The following FAM83G variants were observed in gnomAD, a reference collection of about 807,000 sequenced individuals.
FAM83G encodes scaffolding CK1 anchoring protein G.
FAM83G carries 38 observed loss-of-function variants against 61.5 expected under a neutral mutation model. That is an observed-to-expected ratio of 0.62 (90% confidence interval 0.48 to 0.81). FAM83G has a LOEUF of 0.81. Ranked by LOEUF, FAM83G falls within the 30% of genes least tolerant of loss-of-function variation. FAM83G has a pLI of 0.00. For missense variants in FAM83G, 989 were observed against 1,133.6 expected (o/e 0.87, Z 1.83); for synonymous variants, 470 against 476.1 (o/e 0.99, Z 0.17).
chr17:18,988,557 G>T, intron 2 of FAM83G, 143 bp from the exon 3 acceptor site: 1 of 1,384,858 alleles, frequency 7.2e-7, no homozygotes, highest in Non-Finnish European at 9.7e-7. Flanking sequence ...TCAGGCCCGG[G>T]ACCAGGAAGT....
intron 2 of FAM83G, among the ~76,000 whole-genome samples, chr17:18,990,709 C>A (rs908390178): frequency 3.9e-5 from 6 of 152,268 alleles, no homozygotes; most frequent in African/African-American, 1.4e-4. Context: ...TCCTGGCTCT[C>A]CCCAGGCATT....
At chr17:18,995,379 A>G (rs909500422) in intron 2 of FAM83G, among the ~76,000 whole-genome samples, 1 of 152,226 alleles carries the variant, frequency 6.6e-6, no homozygotes, top group Non-Finnish European at 1.5e-5. Context: ...ATTAAACACT[A>G]TAGAAGAGAA....
rs1461189585 is a variant in FAM83G, at chr17:19,003,790, C to G, written c.252G>C (p.Thr84=). The G allele has an allele frequency of 6.2e-7, 1 of 1,612,074 alleles. No homozygotes were observed. The highest frequency in any genetic ancestry group is 2.2e-5 in the East Asian group (1 of 44,808). The stretch of plus-strand genomic sequence containing the variant: ...TGTCCTCGGGCCCCTGAGAGGGGCC[C>G]GTGCCCCGAGGGTCCTCAGAGCCCG... ...YDPGSEDPRG[T]GPSQGPEDNG... Residue 84 remains threonine (T), a synonymous_variant, in exon 2 of 6, where the codon ACG becomes ACC. Coordinates refer to ENST00000388995, the MANE Select transcript of FAM83G (RefSeq NM_001039999.3). The surrounding 1 kb of genome is among the most constrained non-coding windows in gnomAD (Gnocchi z 4.5).
At chr17:18,980,153 G>T (rs887325831) in intron 3 of FAM83G, among the ~76,000 whole-genome samples, 1 of 152,154 alleles carries the variant, frequency 6.6e-6, no homozygotes, top group African/African-American at 2.4e-5. Context: ...CTTATACTCC[G>T]ATAAGTCTGT....
rs373890767 is a variant in FAM83G at position 18,978,427 on chromosome 17, C to G, written c.1239G>C (p.Thr413=). The G allele has an allele frequency of 1.8e-5, 28 of 1,596,174 alleles. No individual in the cohort carries two copies. Among genetic ancestry groups the G allele is most frequent in the Non-Finnish European group, 2.2e-5 (26 of 1,171,380 alleles). Residue 413 remains threonine (T), a synonymous_variant, in exon 5 of 6, where the codon ACG becomes ACC. Coordinates refer to ENST00000388995, the MANE Select transcript of FAM83G (RefSeq NM_001039999.3). ...CAGGCTCCGGGTCTGGCTCCACCCA[C>G]GTGGGCAGGTACTCAAACATGTTGG... ...ERANMFEYLP[T]WVEPDPEPGS...
chr17:18,994,337 G>A (rs2043507870), intron 2 of FAM83G, among the ~76,000 whole-genome samples: 5 of 152,292 alleles, frequency 3.3e-5, no homozygotes, highest in Admixed American at 3.3e-4. Flanking sequence ...CACAGGGAGG[G>A]GCGCCCCCGT....
Position 18,977,855 on chromosome 17 carries a change from G to T in FAM83G, c.1811C>A (p.Pro604His). 6.2e-7 allele frequency: 1 copy of T among 1,611,010 alleles called. No homozygotes were observed. Among genetic ancestry groups the T allele is most frequent in the Non-Finnish European group, 8.5e-7 (1 of 1,179,606 alleles). The change falls in exon 5 of 6, where the codon CCT (proline) becomes CAT (histidine). Residue 604 changes from proline to histidine, a missense_variant. Transcript: ENST00000388995. ...DSHSGSSGRG[P>H]GPRRPSVASS... The stretch of plus-strand genomic sequence containing the variant: ...AGCCACTGAGGGCCGTCGGGGGCCA[G>T]GGCCACGGCCGGAGCTGCCTGAGTG...
In FAM83G at chr17:18,969,165, G is replaced by T. The variant is rs2042775700; in HGVS notation, c.*2194C>A. 1 of 1,612,766 alleles carries T rather than the reference G, an allele frequency of 6.2e-7. No individual in the cohort carries two copies. Among genetic ancestry groups the T allele is most frequent in the African/African-American group, 1.3e-5 (1 of 75,050 alleles). On this transcript the variant is annotated 3_prime_UTR_variant, in exon 6 of 6. Transcript: ENST00000388995. Reference sequence around the variant, plus strand: ...CCCTGTACACCATCGCAGGTATGGTGCCTGCAGCAGGGAGGTCCACCCAGG... The same window carrying T: ...CCCTGTACACCATCGCAGGTATGGTTCCTGCAGCAGGGAGGTCCACCCAGG...
intron 5 of FAM83G, chr17:18,977,264 G>A (rs1263483134): frequency 1.7e-6 from 1 of 584,986 alleles, no homozygotes; most frequent in Non-Finnish European, 3.0e-6. Context: ...TGCAAACTAG[G>A]GACTGTGCCA....
intron 5 of FAM83G, among the ~76,000 whole-genome samples, chr17:18,972,087 G>A (rs1467234094): frequency 6.6e-6 from 1 of 152,196 alleles, no homozygotes; most frequent in Non-Finnish European, 1.5e-5. Flanking sequence ...GTTGAGTGCA[G>A]GGGGTGACTC....
rs556882386 is a variant in FAM83G at position 18,979,497 on chromosome 17, T to C, written c.815+52A>G. On this transcript the variant is annotated intron_variant, in intron 4 of 5. Transcript: ENST00000388995. ...GGTTAGGATTAAGGGCAGAAGCCAG[T>C]TGGGAGCCAGAGGTACCTCTCGCAC... 208 of 1,602,706 alleles carry C rather than the reference T, an allele frequency of 1.3e-4. 1 individual carries two copies. Among genetic ancestry groups the C allele is most frequent in the South Asian group, 2.6e-4 (23 of 89,898 alleles).
intron 5 of FAM83G, among the ~76,000 whole-genome samples, chr17:18,974,754 G>A (rs2042938329): frequency 6.6e-6 from 1 of 152,186 alleles, no homozygotes; most frequent in Non-Finnish European, 1.5e-5. Context: ...CACTTAAGTC[G>A]TTGCAACAAC....
In FAM83G at chr17:18,978,043, A is replaced by G. The variant is rs780129182; in HGVS notation, c.1623T>C (p.His541=). ...CTGGGCCTGCCATCCTGGGTAGCCT[A>G]TGGTCTGTCCCATTCTGGGGAGCTT... The part of the protein sequence containing the change: ...KEEAPQNGTD[H]RLPRMAGPGH... Residue 541 remains histidine (H), a synonymous_variant, in exon 5 of 6, where the codon CAT becomes CAC. Transcript: ENST00000388995. 3 of 1,531,818 alleles carry G rather than the reference A, an allele frequency of 2.0e-6. 1 individual carries two copies. The highest frequency in any genetic ancestry group is 2.1e-5 in the Admixed American group (1 of 48,010). The allele number at this position is 1,531,818 out of a possible 1,614,324, so 94.9% of individuals were successfully genotyped here. A position where few individuals can be genotyped will look rare whatever the true frequency, so the allele number is the denominator to read the frequency against.
chr17:18,988,482 A>T, intron 2 of FAM83G, 68 bp from the exon 3 acceptor site: 1 of 1,584,938 alleles, frequency 6.3e-7, no homozygotes, highest in South Asian at 1.1e-5. Context: ...GCCCTGGCAG[A>T]GCGCACAGCC....
rs532557705 is a variant in FAM83G at position 19,000,877 on chromosome 17, G to C, written c.522+2643C>G. 5.9e-5 allele frequency among the ~76,000 whole-genome samples: 9 copies of C among 152,148 alleles called. No homozygotes were observed. The highest frequency in any genetic ancestry group is 1.5e-5 in the Non-Finnish European group (1 of 68,020). ...GCCCCGTCAGCATCCGTCAGTGTCC[G>C]GGCCCTGCCCCTGTGAGCCTGGGAA... On this transcript the variant is annotated intron_variant, in intron 2 of 5. Transcript: ENST00000388995. The surrounding 1 kb of genome is among the most constrained non-coding windows in gnomAD (Gnocchi z 5.2).
In FAM83G at chr17:18,971,125, C is replaced by T; in HGVS notation, c.*234G>A. On this transcript the variant is annotated 3_prime_UTR_variant, in exon 6 of 6. Transcript: ENST00000388995. This position sits in a 1 kb window ranked among gnomAD's most constrained non-coding sequence, Gnocchi z 5.5. Reference sequence around the variant, plus strand: ...ACCTGCCACGTACAGACGCCATGCACATGTTTCGAGACCCCCACACAGGGG... The same window carrying T: ...ACCTGCCACGTACAGACGCCATGCATATGTTTCGAGACCCCCACACAGGGG... 1 of 1,614,130 alleles carries T rather than the reference C, an allele frequency of 6.2e-7. No homozygotes were observed. Among genetic ancestry groups the T allele is most frequent in the South Asian group, 1.1e-5 (1 of 91,086 alleles).
intron 5 of FAM83G, chr17:18,976,980 T>C (rs771681407): frequency 3.7e-6 from 6 of 1,612,480 alleles, no homozygotes; most frequent in East Asian, 2.2e-5. Context: ...CAGCCGCGCA[T>C]TGTTCCCAGG....
Position 18,996,296 on chromosome 17 carries a change from C to T in FAM83G, c.522+7224G>A, listed in dbSNP as rs909966159. 2.0e-5 allele frequency among the ~76,000 whole-genome samples: 3 copies of T among 152,194 alleles called. No homozygotes were observed. The highest frequency in any genetic ancestry group is 2.9e-5 in the Non-Finnish European group (2 of 68,030). On this transcript the variant is annotated intron_variant, in intron 2 of 5. Transcript: ENST00000388995. This position sits in a 1 kb window ranked among gnomAD's most constrained non-coding sequence, Gnocchi z 4.4. ...GCTGCAACCCCCTCCTCCAGCAGCA[C>T]GGTTGGGACAGACGTGGCTGCAGCA...
At chr17:18,977,342 G>A (rs1475789709) in intron 5 of FAM83G, 9 of 585,376 alleles carry the variant, frequency 1.5e-5, no homozygotes, top group Non-Finnish European at 2.4e-5. Flanking sequence ...GGGGAAACGT[G>A]CATTTTCTTA....
Sources: allele counts gnomAD v4.1 joint callset (sites outside exome capture counted in the v4.1 genomes callset), GRCh38; gene constraint gnomAD v4.1.1; non-coding constraint Gnocchi (gnomAD v3.1); transcripts MANE v1.5; gene names NCBI Gene and HGNC (gene_info 2026-07-23, HGNC 2026-07-21).